MATK: variants seen among roughly 807,000 people sequenced by gnomAD.
MATK encodes megakaryocyte-associated tyrosine-protein kinase.
In MATK, 41 loss-of-function variants were observed where a neutral mutation model predicts 59.8. That is an observed-to-expected ratio of 0.69 (90% CI 0.53 to 0.89). The LOEUF (loss-of-function observed/expected upper bound fraction) is 0.89. Among genes scored for constraint, MATK ranks in the 40% least tolerant of loss-of-function variants. The pLI is 0.00. For missense variants in MATK, 593 were observed against 719.6 expected (o/e 0.82, Z 2.01); for synonymous variants, 308 against 306.1 (o/e 1.01, Z -0.06).
intron 7 of MATK, chr19:3,782,782 G>A (rs2037419050): frequency 5.7e-6 from 2 of 348,680 alleles, no homozygotes; most frequent in East Asian, 1.3e-4. Flanking sequence ...GAGGGCCTGA[G>A]GCTGGGCTGT....
chr19:3,778,303 C>T lies in MATK; in HGVS notation c.1404G>A (p.Arg468=). The part of the protein sequence containing the change: ...SSCWEAEPAR[R]PPFRKLAEKL... Reference sequence around the variant, plus strand: ...TCTCGGCCAGTTTGCGGAAGGGTGGCCGGCGGGCGGGCTCTGCCTCCCAGC... The same window carrying T: ...TCTCGGCCAGTTTGCGGAAGGGTGGTCGGCGGGCGGGCTCTGCCTCCCAGC... The change falls in exon 14 of 14, where the codon CGG becomes CGA. Residue 468 remains arginine (R), a synonymous_variant. Coordinates refer to ENST00000310132, the MANE Select transcript of MATK (RefSeq NM_139355.3). 1 of 1,574,692 alleles carries T rather than the reference C, an allele frequency of 6.4e-7. No homozygotes were observed. Among genetic ancestry groups the T allele is most frequent in the Middle Eastern group, 1.7e-4 (1 of 5,880 alleles).
chr19:3,787,709 G>C (rs1367744841), upstream of MATK: 1 of 151,956 alleles, frequency 6.6e-6, no homozygotes, highest in African/African-American at 2.4e-5. Flanking sequence ...TCTAAGGGAT[G>C]AGTCCTCTGA....
At chr19:3,794,078 G>A (rs1236412575) in intron 1 of MATK, among the ~76,000 whole-genome samples, 1 of 151,962 alleles carries the variant, frequency 6.6e-6, no homozygotes, top group Non-Finnish European at 1.5e-5. Context: ...CCTTCCCCCA[G>A]CTCTTCTCAA....
At chr19:3,794,095 C>T (rs559165858) in intron 1 of MATK, among the ~76,000 whole-genome samples, 134 of 152,226 alleles carry the variant, frequency 8.8e-4, no homozygotes, top group African/African-American at 3.2e-3. Context: ...TCAAGGCCAG[C>T]TACTTCTCTG....
At chr19:3,779,310 C>T (rs2037363585) in intron 11 of MATK, 68 bp downstream of exon 11, 2 of 1,590,950 alleles carry the variant, frequency 1.3e-6, no homozygotes, top group African/African-American at 2.7e-5. Flanking sequence ...CTCAGTTTCC[C>T]CTTGATGGAT....
At chr19:3,786,973 C>T (rs2037492806), upstream of MATK, among the ~76,000 whole-genome samples, 1 of 151,962 alleles carries the variant, frequency 6.6e-6, no homozygotes, top group African/African-American at 2.4e-5. The surrounding 1 kb of genome is among the most constrained non-coding windows in gnomAD (Gnocchi z 4.1). Flanking sequence ...ATTTCCTCCC[C>T]CATATGGAGG....
In MATK at chr19:3,778,088, T is replaced by G. The variant is rs900729287; in HGVS notation, c.*95A>C. 6.0e-5 allele frequency: 88 copies of G among 1,469,984 alleles called. No individual in the cohort carries two copies. The highest frequency in any genetic ancestry group is 7.7e-5 in the Non-Finnish European group (86 of 1,122,720). The allele number at this position is 1,469,984 out of a possible 1,614,324, so 91.1% of individuals were successfully genotyped here. ...TGCTGTGGGCACCAGGAGGATGACT[T>G]GCCCGCCTGGACCCTCCTTGGGCCT... On this transcript the variant is annotated 3_prime_UTR_variant, in exon 14 of 14. Transcript: ENST00000310132.
upstream of MATK, among the ~76,000 whole-genome samples, chr19:3,788,945 C>G (rs1320043324): frequency 6.6e-6 from 1 of 152,206 alleles, no homozygotes; most frequent in Non-Finnish European, 1.5e-5. Flanking sequence ...CCAATGTTGG[C>G]CTCCCAAAGT....
chr19:3,789,628 G>C (rs1429311550), upstream of MATK, among the ~76,000 whole-genome samples: 1 of 152,118 alleles, frequency 6.6e-6, no homozygotes, highest in Non-Finnish European at 1.5e-5. Context: ...CTGACTCTAG[G>C]GGGATAGATT....
In MATK at chr19:3,786,141, C is replaced by T. The variant is rs1371583800; in HGVS notation, c.-152+28G>A. 8.4e-6 allele frequency: 8 copies of T among 956,102 alleles called. No homozygotes were observed. The highest frequency in any genetic ancestry group is 8.7e-6 in the Non-Finnish European group (7 of 803,564). The allele number at this position is 956,102 out of a possible 1,614,324, so 59.2% of individuals were successfully genotyped here. ...TCCCCCCACCCCGGCCTCGGGGTCT[C>T]TCCACGTCTCCCCGCCGACGTGCTC... On this transcript the variant is annotated intron_variant, in intron 1 of 13. Coordinates refer to ENST00000310132, the MANE Select transcript of MATK (RefSeq NM_139355.3). This position sits in a 1 kb window ranked among gnomAD's most constrained non-coding sequence, Gnocchi z 4.1.
At chr19:3,801,128 C>A (rs552630730) in intron 1 of MATK, among the ~76,000 whole-genome samples, 1 of 152,190 alleles carries the variant, frequency 6.6e-6, no homozygotes, top group Non-Finnish European at 1.5e-5. Flanking sequence ...TGAGCCACCG[C>A]GCCCGGCCGA....
chr19:3,786,303 A>C lies in MATK; in HGVS notation c.-286T>G. ...GCTCCGTTTCCTCATTTTGGGGGCGAAGAAGGGTCGGGGAGTGGGGGAAAG... is the reference window on the plus strand; with the variant it reads ...GCTCCGTTTCCTCATTTTGGGGGCGCAGAAGGGTCGGGGAGTGGGGGAAAG... On this transcript the variant is annotated 5_prime_UTR_variant, in exon 1 of 14. Transcript: ENST00000310132. The surrounding 1 kb of genome is among the most constrained non-coding windows in gnomAD (Gnocchi z 4.1). The C allele has an allele frequency of 1.0e-6, 1 of 984,814 alleles. No individual in the cohort carries two copies. The highest frequency in any genetic ancestry group is 1.2e-6 in the Non-Finnish European group (1 of 829,754). The allele number at this position is 984,814 out of a possible 1,614,324, so 61.0% of individuals were successfully genotyped here. A position where few individuals can be genotyped will look rare whatever the true frequency, so the allele number is the denominator to read the frequency against.
At chr19:3,778,928 C>G in intron 12 of MATK, 64 bp downstream of exon 12, 1 of 1,458,670 alleles carries the variant, frequency 6.9e-7, no homozygotes, top group Middle Eastern at 2.4e-4. Flanking sequence ...GGGACATACC[C>G]AGGGTCATAC....
intron 1 of MATK, among the ~76,000 whole-genome samples, chr19:3,797,160 G>A (rs944995099): frequency 4.6e-5 from 7 of 152,074 alleles, no homozygotes; most frequent in African/African-American, 9.7e-5. Flanking sequence ...TTTCTCTGGC[G>A]TGTTTGTGGA....
At chr19:3,792,868 C>T (rs569752326) in intron 1 of MATK, among the ~76,000 whole-genome samples, 13 of 152,314 alleles carry the variant, frequency 8.5e-5, no homozygotes, top group Non-Finnish European at 1.5e-4. Flanking sequence ...GGGGAGGCCA[C>T]TGCAGCCAGA....
chr19:3,779,580 C>G lies in MATK; in HGVS notation c.880G>C (p.Val294Leu). ...QHENLVRLLGVILHQGLYIVM... is the reference protein window; with the variant it reads ...QHENLVRLLGLILHQGLYIVM... ...ATGTACAGCCCCTGGTGCAGGATCA[C>G]GCCCAGGAGACGCACCAGGTTCTCG... The change falls in exon 10 of 14, where the codon GTG (valine) becomes CTG (leucine). Residue 294 changes from valine to leucine, a missense_variant. Transcript: ENST00000310132. 2 of 1,611,896 alleles carry G rather than the reference C, an allele frequency of 1.2e-6. No homozygotes were observed. Among genetic ancestry groups the G allele is most frequent in the Non-Finnish European group, 1.7e-6 (2 of 1,179,486 alleles).
At position 3,778,579 on chromosome 19, in the gene MATK, G is replaced by T; in HGVS notation, c.1214C>A (p.Ser405Ter). ...CAGCACCCCAAAACTCCAGACATCC[G>T]ACTTGCTGGTGAACTTCTGTGGGGC... ...ALKHGKFTSK[S>*]DVWSFGVLLW... The change falls in exon 13 of 14, where the codon TCG (serine) becomes TAG (stop). Residue 405 changes from serine to a stop codon, truncating the protein, a stop_gained. Transcript: ENST00000310132. LOFTEE classifies it high-confidence loss of function. The T allele has an allele frequency of 6.2e-7, 1 of 1,612,982 alleles. No homozygotes were observed. The highest frequency in any genetic ancestry group is 8.5e-7 in the Non-Finnish European group (1 of 1,179,538).
chr19:3,784,227 AC>A lies in MATK; in HGVS notation c.258del (p.Trp86CysfsTer75). On this transcript the variant is annotated frameshift_variant, in exon 5 of 14. Coordinates refer to ENST00000310132, the MANE Select transcript of MATK (RefSeq NM_139355.3). LOFTEE classifies it high-confidence loss of function. ...TILEACENKSWYRVKHHTSGQ... is the reference protein window; with the variant it reads ...TILEACENKSXYRVKHHTSGQ... Reference sequence around the variant, plus strand: ...CCACTGGTGTGGTGCTTGACGCGGTACCAGCTCTTGTTCTGCCAGGGAGGAA... The same window carrying A: ...CCACTGGTGTGGTGCTTGACGCGGTACAGCTCTTGTTCTGCCAGGGAGGAA... 6.2e-7 allele frequency: 1 copy of A among 1,612,400 alleles called. No homozygotes were observed. The highest frequency in any genetic ancestry group is 1.1e-5 in the South Asian group (1 of 91,036).
chr19:3,795,384 T>C (rs548813671), intron 1 of MATK, among the ~76,000 whole-genome samples: 10 of 151,754 alleles, frequency 6.6e-5, no homozygotes, highest in Non-Finnish European at 1.2e-4. Context: ...GCAATTCTCA[T>C]GTCTCAACCT....
Sources: gnomAD v4.1 joint callset for allele counts (sites outside exome capture counted in the v4.1 genomes callset) on GRCh38, gnomAD v4.1.1 for gene constraint, Gnocchi (gnomAD v3.1) non-coding constraint, MANE v1.5 for transcripts, NCBI Gene and HGNC (gene_info 2026-07-23, HGNC 2026-07-21) for gene names.